Variants in ACOT12 observed in about 807,000 individuals in gnomAD.
ACOT12 encodes acyl-CoA thioesterase 12, also known as acetyl-coenzyme A thioesterase.
ACOT12 carries 51 observed loss-of-function variants against 67.7 expected under a neutral mutation model. The observed-to-expected ratio is 0.75, with a 90% CI of 0.60 to 0.95. The LOEUF is 0.95. ACOT12 is among the 40% of genes least tolerant of loss of function. ACOT12 has a pLI of 0.00. For missense variants in ACOT12, 734 were observed against 708.1 expected (o/e 1.04, Z -0.41); for synonymous variants, 251 against 244.6 (o/e 1.03, Z -0.24).
chr5:81,313,309 C>T, the ACOT12 span: 1 of 152,084 alleles, frequency 6.6e-6, no homozygotes, highest in Non-Finnish European at 1.5e-5. Context: ...ATAAAGGATT[C>T]CAAGTTACTG....
rs1314478620 is a variant in ACOT12, at chr5:81,348,575, T to TC, written c.497-646dup. On this transcript the variant is annotated intron_variant, in intron 5 of 14. Coordinates refer to ENST00000307624, the MANE Select transcript of ACOT12 (RefSeq NM_130767.3). ...TACTTCTTCATGTCCTTCTGCTCTC[T>TC]CTTTTTTTTTAGACAGTCTCACTCT... Among the ~76,000 whole-genome samples, 4 of 151,892 alleles carry TC rather than the reference T, an allele frequency of 2.6e-5. No individual in the cohort carries two copies. The East Asian group carries it at 7.7e-4, about 29-fold the overall frequency.
In ACOT12 at chr5:81,343,864, T is replaced by C. The variant is rs955592782; in HGVS notation, c.998A>G (p.His333Arg). ...IRLGRKYVIS[H>R]KEEVPLCIHW... Reference sequence around the variant, plus strand: ...TATGCAAAGTGGAACCTCTTCTTTGTGGGAAATAACATATTTTCTGGAAAA... The same window carrying C: ...TATGCAAAGTGGAACCTCTTCTTTGCGGGAAATAACATATTTTCTGGAAAA... The change falls in exon 10 of 15, where the codon CAC (histidine) becomes CGC (arginine). Residue 333 changes from histidine to arginine, a missense_variant. Transcript: ENST00000307624. 1 of 1,613,344 alleles carries C rather than the reference T, an allele frequency of 6.2e-7. No homozygotes were observed. Among genetic ancestry groups the C allele is most frequent in the African/African-American group, 1.3e-5 (1 of 74,990 alleles).
chr5:81,314,745 G>T, the ACOT12 span, among the ~76,000 whole-genome samples: 1 of 152,208 alleles, frequency 6.6e-6, no homozygotes, highest in Non-Finnish European at 1.5e-5. Flanking sequence ...TAATGGACAG[G>T]AGACTTAGGG....
chr5:81,365,826 T>C (rs1760061118), intron 3 of ACOT12, among the ~76,000 whole-genome samples: 1 of 152,196 alleles, frequency 6.6e-6, no homozygotes, highest in African/African-American at 2.4e-5. Flanking sequence ...AACCTAACTC[T>C]GCTGAATTGA....
At chr5:81,369,835 C>T (rs572727363) in intron 3 of ACOT12, among the ~76,000 whole-genome samples, 2 of 152,310 alleles carry the variant, frequency 1.3e-5, no homozygotes, top group South Asian at 2.1e-4. Flanking sequence ...AGGCCAAGCC[C>T]AGAGGCTCCT....
At chr5:81,389,828 G>T (rs755873327) in intron 1 of ACOT12, among the ~76,000 whole-genome samples, 4 of 146,220 alleles carry the variant, frequency 2.7e-5, no homozygotes, top group Non-Finnish European at 4.5e-5. Context: ...GGCCCAGCCT[G>T]TATTAGTTTT....
intron 11 of ACOT12, among the ~76,000 whole-genome samples, chr5:81,339,291 C>G (rs1037878100): frequency 9.2e-5 from 14 of 152,172 alleles, no homozygotes; most frequent in Non-Finnish European, 1.5e-4. Context: ...CTGGGCCCAG[C>G]CCCTCCCCCG....
rs552801317 is a variant in ACOT12 at position 81,336,060 on chromosome 5, G to C, written c.1129-159C>G. On this transcript the variant is annotated intron_variant, in intron 11 of 14. Transcript: ENST00000307624. ...CCATGGCAATTTCTCTTCAAATACTGGGATGTCTAGAGGTCTGTCCAGGAT... is the reference window on the plus strand; with the variant it reads ...CCATGGCAATTTCTCTTCAAATACTCGGATGTCTAGAGGTCTGTCCAGGAT... Among the ~76,000 whole-genome samples the C allele has an allele frequency of 1.4e-4, 22 of 152,248 alleles. No individual in the cohort carries two copies. In the South Asian group the frequency reaches 4.6e-3, roughly 32 times the overall value.
intron 1 of ACOT12, among the ~76,000 whole-genome samples, chr5:81,391,734 A>G (rs1439366125): frequency 1.3e-5 from 2 of 152,222 alleles, no homozygotes; most frequent in Non-Finnish European, 2.9e-5. Flanking sequence ...ATGAAACATG[A>G]TGATAGCTTG....
At chr5:81,342,271 G>A (rs947828323) in intron 11 of ACOT12, among the ~76,000 whole-genome samples, 1 of 152,144 alleles carries the variant, frequency 6.6e-6, no homozygotes, top group South Asian at 2.1e-4. Flanking sequence ...GATTACAGAC[G>A]TGAGCCAGCA....
chr5:81,322,897 C>A, the ACOT12 span, among the ~76,000 whole-genome samples: 1,056 of 152,068 alleles, frequency 6.9e-3, 12 homozygotes, highest in African/African-American at 0.023. Context: ...CGGGAGAATT[C>A]GCCTCATGAT....
In ACOT12 at chr5:81,330,392, C is replaced by A. The variant is rs750307867; in HGVS notation, c.*2G>T. On this transcript the variant is annotated 3_prime_UTR_variant, in exon 15 of 15. Transcript: ENST00000307624. ...AAATTACCAGTAATTGAAAGTTGAC[C>A]TTTAAAATGTGCTTACAAACCCATC... 5.6e-6 allele frequency: 9 copies of A among 1,607,108 alleles called. 1 individual carries two copies. Among genetic ancestry groups the A allele is most frequent in the Middle Eastern group, 1.7e-4 (1 of 6,030 alleles).
rs1759991760 is a variant in ACOT12, at chr5:81,363,819, G to A, written c.329C>T (p.Thr110Ile). The change falls in exon 4 of 15, where the codon ACA becomes ATA. Residue 110 changes from threonine (T) to isoleucine (I), a missense_variant. Transcript: ENST00000307624. ...TTTTCCAACTGGTTTGGCTACAAAT[G>A]TGGAGAAAGCCACACTAACAAGCTT... The part of the protein sequence containing the change: ...IEKLVSVAFS[T>I]FVAKPVGKEK... The A allele has an allele frequency of 1.2e-6, 2 of 1,611,204 alleles. No homozygotes were observed. The highest frequency in any genetic ancestry group is 1.1e-5 in the South Asian group (1 of 90,758).
intron 14 of ACOT12, 68 bp from the exon 15 acceptor site, chr5:81,330,611 G>T: frequency 6.4e-7 from 1 of 1,564,376 alleles, no homozygotes; most frequent in South Asian, 1.2e-5. Flanking sequence ...GAAAGGATCT[G>T]AGTCTTGCTG....
At position 81,330,822 on chromosome 5, in the gene ACOT12, A is replaced by G; in HGVS notation, c.1510T>C (p.Ser504Pro). ...TGTTTCATCAAACTTACGATGCATG[A>G]ATTGCTGTCAATAGCATGGATGAGA... ...GFLIHAIDSN[S>P]CIVSYFNHMS... The change falls in exon 14 of 15, where the codon TCA (serine) becomes CCA (proline). Residue 504 changes from serine (S) to proline (P), a missense_variant. Transcript: ENST00000307624. The G allele has an allele frequency of 6.2e-7, 1 of 1,613,724 alleles. No homozygotes were observed. Among genetic ancestry groups the G allele is most frequent in the South Asian group, 1.1e-5 (1 of 91,010 alleles).
intron 12 of ACOT12, 84 bp downstream of exon 12, chr5:81,335,684 A>G (rs767343020): frequency 3.1e-4 from 457 of 1,452,560 alleles, no homozygotes; most frequent in South Asian, 6.5e-4. Context: ...CACACATTGG[A>G]CGATGGAGAT....
chr5:81,377,467 A>ATAGTGTTGGAAGT (rs1760454286), intron 2 of ACOT12, among the ~76,000 whole-genome samples: 5 of 152,202 alleles, frequency 3.3e-5, no homozygotes, highest in Admixed American at 3.3e-4. Flanking sequence ...CCTATTCAAC[A>ATAGTGTTGGAAGT]TAGTGTTGGA....
At chr5:81,366,470 T>C (rs924043545) in intron 3 of ACOT12, among the ~76,000 whole-genome samples, 2 of 152,160 alleles carry the variant, frequency 1.3e-5, no homozygotes, top group Admixed American at 6.6e-5. Context: ...GTCAGCAATA[T>C]CTTCTTAAAG....
chr5:81,330,894 G>T lies in ACOT12; in HGVS notation c.1438C>A (p.Pro480Thr), dbSNP rs1398525016. 5 of 1,612,632 alleles carry T rather than the reference G, an allele frequency of 3.1e-6. No individual in the cohort carries two copies. Among genetic ancestry groups the T allele is most frequent in the Non-Finnish European group, 4.2e-6 (5 of 1,179,300 alleles). The change falls in exon 14 of 15, where the codon CCC (proline) becomes ACC (threonine). Residue 480 changes from proline to threonine, a missense_variant. Pro to Thr is a conservative substitution (Grantham distance 38). Coordinates refer to ENST00000307624, the MANE Select transcript of ACOT12 (RefSeq NM_130767.3). ...CTTCTGATGTACTGTGGAGACGGGG[G>T]GACCGATGGCAAAATGACCGACTTC... ...AVKSVILPSVPPSPQYIRSEI... is the reference protein window; with the variant it reads ...AVKSVILPSVTPSPQYIRSEI...
Sources: allele counts gnomAD v4.1 joint callset (sites outside exome capture counted in the v4.1 genomes callset), GRCh38; gene constraint gnomAD v4.1.1; transcripts MANE v1.5; gene names NCBI Gene and HGNC (gene_info 2026-07-23, HGNC 2026-07-21).